Variants in ANKRD28 observed in about 807,000 individuals in gnomAD.
ANKRD28 encodes the protein serine/threonine-protein phosphatase 6 regulatory ankyrin repeat subunit A.
In ANKRD28, 44 loss-of-function variants were observed where a neutral mutation model predicts 126.5. That is an observed-to-expected ratio of 0.35 (90% confidence interval 0.27 to 0.45). The LOEUF (loss-of-function observed/expected upper bound fraction) is 0.45, where lower values mean the gene tolerates loss of function less well. ANKRD28 is among the 20% of genes least tolerant of loss of function. The pLI, the probability that ANKRD28 is intolerant of heterozygous loss-of-function variation, is 1.00. For missense variants in ANKRD28, 1,110 were observed against 1,316.6 expected (o/e 0.84, Z 2.43); for synonymous variants, 442 against 468.5 (o/e 0.94, Z 0.73).
intron 16 of ANKRD28, 92 bp from the exon 17 acceptor site, chr3:15,694,905 T>C: frequency 1.6e-6 from 2 of 1,222,906 alleles, no homozygotes; most frequent in Non-Finnish European, 2.4e-6. Context: ...CTTAGAGTAT[T>C]ATTTGGCAAC....
rs73147600 is a variant in ANKRD28 at position 15,787,824 on chromosome 3, T to C, written c.201+7399A>G. ...TTTGCTGAGCACTTCATGTGAAAAATGTAAAATGAACATCATTTCAATGAT... is the reference window on the plus strand; with the variant it reads ...TTTGCTGAGCACTTCATGTGAAAAACGTAAAATGAACATCATTTCAATGAT... On this transcript the variant is annotated intron_variant, in intron 2 of 27. Coordinates refer to ENST00000683139, the MANE Select transcript of ANKRD28 (RefSeq NM_001349278.2). Among the ~76,000 whole-genome samples, 605 of 152,242 alleles carry C rather than the reference T, an allele frequency of 4.0e-3. 3 individuals carry two copies. Among genetic ancestry groups the C allele is most frequent in the African/African-American group, 0.013 (554 of 41,546 alleles).
chr3:15,772,016 G>A (rs1366565514), intron 2 of ANKRD28, among the ~76,000 whole-genome samples: 2 of 152,082 alleles, frequency 1.3e-5, no homozygotes, highest in Non-Finnish European at 2.9e-5. Flanking sequence ...AAGAACATTA[G>A]AAAAGTATTT....
At position 15,668,341 on chromosome 3, in the gene ANKRD28, T is replaced by C. The variant is rs1188955835; in HGVS notation, c.*1929A>G. 6.6e-6 allele frequency: 1 copy of C among 152,112 alleles called. No individual in the cohort carries two copies. Among genetic ancestry groups the C allele is most frequent in the East Asian group, 1.9e-4 (1 of 5,196 alleles). 9.4% of individuals were successfully genotyped at this position (152,112 alleles called of 1,614,324 possible). On this transcript the variant is annotated 3_prime_UTR_variant, in exon 28 of 28. Coordinates refer to ENST00000683139, the MANE Select transcript of ANKRD28 (RefSeq NM_001349278.2). ...AGAGAAAGCACACATATGTATACTT[T>C]TAGAATCTGCTTGATTTTTTTTTTT...
intron 2 of ANKRD28, among the ~76,000 whole-genome samples, chr3:15,794,328 TA>T (rs57325392): frequency 5.4e-5 from 8 of 148,342 alleles, no homozygotes; most frequent in African/African-American, 9.9e-5. Flanking sequence ...AGTATTATAT[TA>T]AAAAAAAAAG....
intron 2 of ANKRD28, among the ~76,000 whole-genome samples, chr3:15,787,949 A>G (rs563093521): frequency 6.6e-6 from 1 of 152,330 alleles, no homozygotes; most frequent in African/African-American, 2.4e-5. Context: ...GAAGCCAATA[A>G]GCAGAATATA....
intron 1 of ANKRD28, among the ~76,000 whole-genome samples, chr3:15,851,581 AAATAAAT>A (rs2061652355): frequency 1.1e-5 from 1 of 93,526 alleles, no homozygotes; most frequent in African/African-American, 3.3e-5. Flanking sequence ...ATAAATAAAT[AAATAAAT>A]AAAAGAGATA....
At chr3:15,771,476 G>A (rs1336320309) in intron 2 of ANKRD28, among the ~76,000 whole-genome samples, 1 of 151,562 alleles carries the variant, frequency 6.6e-6, no homozygotes, top group Non-Finnish European at 1.5e-5. Flanking sequence ...AGCTTACAAT[G>A]GTGGTAGAAG....
chr3:15,767,869 CAGAG>C (rs1037779636), intron 2 of ANKRD28, among the ~76,000 whole-genome samples: 1 of 151,788 alleles, frequency 6.6e-6, no homozygotes, highest in African/African-American at 2.4e-5. Context: ...GCCTGGATGA[CAGAG>C]AGAGACTCTG....
At chr3:15,703,130 A>G (rs2070853047) in intron 14 of ANKRD28, among the ~76,000 whole-genome samples, 1 of 152,192 alleles carries the variant, frequency 6.6e-6, no homozygotes, top group African/African-American at 2.4e-5. Context: ...AAAGGCAAAT[A>G]TATCTTCTAT....
chr3:15,797,613 T>C lies in ANKRD28; in HGVS notation c.-1092A>G, dbSNP rs1328587743. 4 of 985,226 alleles carry C rather than the reference T, an allele frequency of 4.1e-6. No individual in the cohort carries two copies. Among genetic ancestry groups the C allele is most frequent in the South Asian group, 4.7e-5 (1 of 21,290 alleles). The allele number at this position is 985,226 out of a possible 1,614,324, so 61.0% of individuals were successfully genotyped here. The stretch of plus-strand genomic sequence containing the variant: ...TAGTGTATCATTCCAGTGTTTCCTT[T>C]GATCTCCACATGAATACAGCTTCCA... On this transcript the variant is annotated 5_prime_UTR_variant, in exon 1 of 28. Transcript: ENST00000683139.
rs1045167487 is a variant in ANKRD28, at chr3:15,730,681, A to G, written c.640+4729T>C. On this transcript the variant is annotated intron_variant, in intron 6 of 27. Transcript: ENST00000683139. The stretch of plus-strand genomic sequence containing the variant: ...GAATGGCTGAACAGTTTTAGAAGCT[A>G]TATGTCGATATTCATCTTATTCTGT... Among the ~76,000 whole-genome samples the G allele has an allele frequency of 2.6e-5, 4 of 152,348 alleles. No individual in the cohort carries two copies. In the South Asian group the frequency reaches 6.2e-4, roughly 24 times the overall value.
chr3:15,753,755 C>T (rs1320039148), intron 3 of ANKRD28, among the ~76,000 whole-genome samples: 1 of 151,932 alleles, frequency 6.6e-6, no homozygotes, highest in Non-Finnish European at 1.5e-5. Context: ...CCAGCCTGGC[C>T]AACATGGTGA....
Position 15,803,795 on chromosome 3 carries a change from A to G in ANKRD28, c.28-8489T>C, listed in dbSNP as rs1041637244. On this transcript the variant is annotated intron_variant, in intron 1 of 27. Coordinates refer to the ANKRD28 transcript ENST00000399451. ...CTTTTTTAGTTTCCAAATTTATACA[A>G]TGAAGAATGTTACTTGTTACATCAA... Among the ~76,000 whole-genome samples, 16 of 143,996 alleles carry G rather than the reference A, an allele frequency of 1.1e-4. 1 individual carries two copies. Among genetic ancestry groups the G allele is most frequent in the South Asian group, 2.4e-4 (1 of 4,210 alleles). 94.5% of individuals were successfully genotyped at this position (143,996 alleles called of 152,430 possible). A position where few individuals can be genotyped will look rare whatever the true frequency, so the allele number is the denominator to read the frequency against.
At position 15,672,295 on chromosome 3, in the gene ANKRD28, C is replaced by T. The variant is rs187988459; in HGVS notation, c.2966-1739G>A. ...ACTAGCTCTGACTATAGGCACATGC[C>T]ATGCCTGGCTAATTTTTAAACTTTT... On this transcript the variant is annotated intron_variant, in intron 27 of 27. Transcript: ENST00000683139. Among the ~76,000 whole-genome samples, 238 of 152,204 alleles carry T rather than the reference C, an allele frequency of 1.6e-3. 2 individuals carry two copies. The highest frequency in any genetic ancestry group is 1.4e-3 in the Non-Finnish European group (95 of 67,992).
chr3:15,769,238 G>T (rs1404115802), intron 2 of ANKRD28, among the ~76,000 whole-genome samples: 1 of 152,088 alleles, frequency 6.6e-6, no homozygotes, highest in South Asian at 2.1e-4. Flanking sequence ...TGATTCATAT[G>T]AACACAGTTT....
At chr3:15,822,920 T>C (rs1173747626) in intron 1 of ANKRD28, among the ~76,000 whole-genome samples, 1 of 152,152 alleles carries the variant, frequency 6.6e-6, no homozygotes, top group Non-Finnish European at 1.5e-5. Flanking sequence ...AAAACAAAAG[T>C]AGGCACATTA....
chr3:15,856,755 G>C (rs2061776690), intron 1 of ANKRD28, among the ~76,000 whole-genome samples: 1 of 152,130 alleles, frequency 6.6e-6, no homozygotes, highest in African/African-American at 2.4e-5. Context: ...CTGATTTTAT[G>C]TTTAAACCAT....
At chr3:15,694,945 G>A (rs763619697) in intron 16 of ANKRD28, 132 bp from the exon 17 acceptor site, 3 of 874,200 alleles carry the variant, frequency 3.4e-6, no homozygotes, top group Non-Finnish European at 5.5e-6. Flanking sequence ...TGATTATTAT[G>A]AAAGTATACT....
intron 14 of ANKRD28, among the ~76,000 whole-genome samples, chr3:15,706,865 T>C (rs1305589614): frequency 1.3e-5 from 2 of 152,332 alleles, no homozygotes; most frequent in Non-Finnish European, 2.9e-5. Context: ...TTTTCATGTG[T>C]CTGTTGGCTG....
Sources: gnomAD v4.1 joint callset for allele counts (sites outside exome capture counted in the v4.1 genomes callset) on GRCh38, gnomAD v4.1.1 for gene constraint, MANE v1.5 for transcripts, NCBI Gene and HGNC (gene_info 2026-07-23, HGNC 2026-07-21) for gene names.